The following SMYD5 variants were observed in gnomAD, a reference collection of about 807,000 sequenced individuals.
SMYD5 encodes SMYD family member 5, also known as protein-lysine N-trimethyltransferase SMYD5.
In SMYD5, 35 loss-of-function variants were observed where a neutral mutation model predicts 57.4. The observed-to-expected ratio is 0.61, with a 90% CI of 0.47 to 0.81. SMYD5 has a LOEUF of 0.81. Among genes scored for constraint, SMYD5 ranks in the 30% least tolerant of loss-of-function variants. The pLI, the probability that SMYD5 is intolerant of heterozygous loss-of-function variation, is 0.00. For synonymous variants in SMYD5, 198 were observed against 189.7 expected (o/e 1.04, Z -0.36); for missense variants, 471 against 527.9 (o/e 0.89, Z 1.06).
At chr2:73,224,033 C>T (rs1170717715) in intron 10 of SMYD5, 30 bp downstream of exon 10, 2 of 1,608,134 alleles carry the variant, frequency 1.2e-6, no homozygotes, top group South Asian at 2.2e-5. Context: ...AGGGATGGTC[C>T]CAGGCGCTTC....
chr2:73,223,907 A>C, intron 9 of SMYD5, 40 bp from the exon 10 acceptor site: 1 of 1,598,774 alleles, frequency 6.3e-7, no homozygotes, highest in Non-Finnish European at 8.6e-7. Context: ...CCTGCCTTTA[A>C]AAATGGGTAG....
Position 73,220,247 on chromosome 2 carries a change from G to A in SMYD5, c.345+57G>A, listed in dbSNP as rs531740880. 336 of 1,594,044 alleles carry A rather than the reference G, an allele frequency of 2.1e-4. 3 individuals are homozygous for A. In the South Asian group the frequency reaches 3.2e-3, roughly 15 times the overall value. On this transcript the variant is annotated intron_variant, in intron 3 of 12. Coordinates refer to ENST00000389501, the MANE Select transcript of SMYD5 (RefSeq NM_006062.3). Reference sequence around the variant, plus strand: ...GGGTGGGTGAGGGAGGCCTTAGCTGGAGTCCTCAGTGGGGAGACAGGAGCA... The same window carrying A: ...GGGTGGGTGAGGGAGGCCTTAGCTGAAGTCCTCAGTGGGGAGACAGGAGCA...
At position 73,225,624 on chromosome 2, in the gene SMYD5, C is replaced by A; in HGVS notation, c.1036-7C>A. The A allele has an allele frequency of 1.9e-6, 3 of 1,613,942 alleles. No individual in the cohort carries two copies. The highest frequency in any genetic ancestry group is 2.5e-6 in the Non-Finnish European group (3 of 1,179,836). ...AGACCATCAGACTGCACTTCTCTGC[C>A]CTACAGGAAATTTGTATCAGCTACT... is the stretch of plus-strand genomic sequence containing the variant. On this transcript the variant is annotated splice_polypyrimidine_tract_variant and splice_region_variant and intron_variant, in intron 11 of 12. Coordinates refer to ENST00000389501, the MANE Select transcript of SMYD5 (RefSeq NM_006062.3).
chr2:73,214,252 G>T lies in SMYD5; in HGVS notation c.-15G>T, dbSNP rs376709366. 1.5e-5 allele frequency: 25 copies of T among 1,613,308 alleles called. No homozygotes were observed. Among genetic ancestry groups the T allele is most frequent in the Non-Finnish European group, 2.0e-5 (24 of 1,179,582 alleles). Reference sequence around the variant, plus strand: ...GAGGCGGGGTTAAGGGTCATAAGGCGGAGGCGCGCCCAAGATGGCGGCCTC... The same window carrying T: ...GAGGCGGGGTTAAGGGTCATAAGGCTGAGGCGCGCCCAAGATGGCGGCCTC... On this transcript the variant is annotated 5_prime_UTR_variant, in exon 1 of 13. Coordinates refer to ENST00000389501, the MANE Select transcript of SMYD5 (RefSeq NM_006062.3).
chr2:73,222,259 G>C (rs1243448121), intron 6 of SMYD5, among the ~76,000 whole-genome samples: 1 of 152,222 alleles, frequency 6.6e-6, no homozygotes, highest in East Asian at 1.9e-4. Flanking sequence ...CAGAATCAGA[G>C]AGCAGTGTGA....
intron 3 of SMYD5, 142 bp from the exon 4 acceptor site, chr2:73,220,519 C>T (rs1178376802): frequency 6.0e-6 from 6 of 1,003,298 alleles, no homozygotes; most frequent in Non-Finnish European, 7.2e-6. Flanking sequence ...GTGCCTTTCA[C>T]ATATCCCCAG....
chr2:73,216,602 C>T (rs1004443964), intron 1 of SMYD5, among the ~76,000 whole-genome samples: 8 of 152,098 alleles, frequency 5.3e-5, no homozygotes, highest in East Asian at 1.9e-4. Context: ...GGGCCAGGCA[C>T]GAGAATTGCT....
rs774364470 is a variant in SMYD5, at chr2:73,223,057, C to A, written c.727C>A (p.Arg243=). The A allele has an allele frequency of 3.1e-6, 5 of 1,614,024 alleles. No individual in the cohort carries two copies. The African/African-American group carries it at 6.7e-5, about 22-fold the overall frequency. ...VSQWFTPDGF[R]SLFALVGTNG... is the part of the protein sequence containing the mutation. ...ACAGTGGTTCACTCCAGATGGATTC[C>A]GGTCTCTCTTTGCTCTTGTTGGGAC... The change falls in exon 8 of 13, where the codon CGG becomes AGG. Residue 243 remains arginine (R), a synonymous_variant. Transcript: ENST00000389501.
Position 73,224,015 on chromosome 2 carries a change from C to T in SMYD5, c.940+12C>T, listed in dbSNP as rs772318396. On this transcript the variant is annotated intron_variant, in intron 10 of 12. Coordinates refer to ENST00000389501, the MANE Select transcript of SMYD5 (RefSeq NM_006062.3). ...GCTTCAGAGCTGCTGTGAGTCATGG[C>T]GTTGAGGAGGGATGGTCCCAGGCGC... 6.8e-6 allele frequency: 11 copies of T among 1,613,354 alleles called. No individual in the cohort carries two copies. The highest frequency in any genetic ancestry group is 1.3e-5 in the African/African-American group (1 of 75,014).
chr2:73,225,764 C>CT, intron 12 of SMYD5, 32 bp from the exon 13 acceptor site: 2 of 1,613,944 alleles, frequency 1.2e-6, no homozygotes, highest in Non-Finnish European at 1.7e-6. Context: ...AGCTCCCTGA[C>CT]TTTTCCCCCT....
At position 73,222,679 on chromosome 2, in the gene SMYD5, A is replaced by T. The variant is rs1241955710; in HGVS notation, c.643-76A>T. The stretch of plus-strand genomic sequence containing the variant: ...CTGGCCCTTTTTCCTTCCCTCCCCT[A>T]GTCGCCTGGGCCCTGCCTGGGTGCT... On this transcript the variant is annotated intron_variant, in intron 6 of 12. Coordinates refer to ENST00000389501, the MANE Select transcript of SMYD5 (RefSeq NM_006062.3). The T allele has an allele frequency of 2.4e-6, 3 of 1,262,248 alleles. No homozygotes were observed. The East Asian group carries it at 7.5e-5, about 31-fold the overall frequency. 78.2% of individuals were successfully genotyped at this position (1,262,248 alleles called of 1,614,324 possible).
In SMYD5 at chr2:73,223,105, AG is replaced by A; in HGVS notation, c.776+1del. The A allele has an allele frequency of 2.5e-6, 4 of 1,613,462 alleles. No homozygotes were observed. In the African/African-American group the frequency reaches 5.3e-5, roughly 22 times the overall value. On this transcript the variant is annotated frameshift_variant and splice_region_variant, in exon 8 of 13. Transcript: ENST00000389501. LOFTEE classifies it high-confidence loss of function. ...VGTNGQGIGT[S>X]SLSQWVHACD... ...GACCAATGGCCAAGGAATCGGGACC[AG>A]GTTAGAATGTTCCAGAGCTATTGAA...
chr2:73,214,254 A>C lies in SMYD5; in HGVS notation c.-13A>C. ...GGCGGGGTTAAGGGTCATAAGGCGG[A>C]GGCGCGCCCAAGATGGCGGCCTCCA... On this transcript the variant is annotated 5_prime_UTR_variant, in exon 1 of 13. Transcript: ENST00000389501. The C allele has an allele frequency of 1.2e-6, 2 of 1,613,336 alleles. No homozygotes were observed. The highest frequency in any genetic ancestry group is 8.5e-7 in the Non-Finnish European group (1 of 1,179,588).
In SMYD5 at chr2:73,225,047, A is replaced by G. The variant is rs552611172; in HGVS notation, c.1035+87A>G. The G allele has an allele frequency of 5.2e-6, 5 of 960,144 alleles. No homozygotes were observed. In the Admixed American group the frequency reaches 8.8e-5, roughly 17 times the overall value. The allele number at this position is 960,144 out of a possible 1,614,324, so 59.5% of individuals were successfully genotyped here. ...GATCAGGAGCAGCAGTGGCTAGAGCACCTTGAAGTTCAGGCTGTTGGGTGG... is the reference window on the plus strand; with the variant it reads ...GATCAGGAGCAGCAGTGGCTAGAGCGCCTTGAAGTTCAGGCTGTTGGGTGG... On this transcript the variant is annotated intron_variant, in intron 11 of 12. Transcript: ENST00000389501.
At chr2:73,222,929 T>G in intron 7 of SMYD5, 107 bp from the exon 8 acceptor site, 1 of 1,486,382 alleles carries the variant, frequency 6.7e-7, no homozygotes, top group Non-Finnish European at 9.4e-7. Context: ...CTTGGTCTTC[T>G]GGAGTTCAGA....
At chr2:73,214,614 C>G (rs1686257771) in intron 1 of SMYD5, 1 of 1,510,372 alleles carries the variant, frequency 6.6e-7, no homozygotes, top group South Asian at 1.2e-5. Flanking sequence ...CCGCGGGAGG[C>G]CCTTCTGTGG....
At chr2:73,220,009 C>T in intron 2 of SMYD5, 42 bp from the exon 3 acceptor site, 3 of 1,613,816 alleles carry the variant, frequency 1.9e-6, no homozygotes, top group Non-Finnish European at 2.5e-6. Flanking sequence ...TAGATGTGGC[C>T]TCTGCTCTCA....
At chr2:73,219,133 A>T (rs1331595578) in intron 2 of SMYD5, among the ~76,000 whole-genome samples, 164 bp downstream of exon 2, 1 of 152,020 alleles carries the variant, frequency 6.6e-6, no homozygotes, top group Non-Finnish European at 1.5e-5. Flanking sequence ...GTCCAGTCTC[A>T]GGTGTTTGAG....
chr2:73,220,634 G>A, intron 3 of SMYD5, 27 bp from the exon 4 acceptor site: 1 of 1,613,604 alleles, frequency 6.2e-7, no homozygotes, highest in Non-Finnish European at 8.5e-7. Context: ...CAGATCCTTG[G>A]GTACTGACCT....
Sources: gnomAD v4.1 joint callset for allele counts (sites outside exome capture counted in the v4.1 genomes callset) on GRCh38, gnomAD v4.1.1 for gene constraint, MANE v1.5 for transcripts, NCBI Gene and HGNC (gene_info 2026-07-23, HGNC 2026-07-21) for gene names.